The following DENND2B variants were observed in gnomAD, a reference collection of about 807,000 sequenced individuals.
DENND2B encodes DENN domain containing 2B.
In DENND2B, 32 loss-of-function variants were observed where a neutral mutation model predicts 116.0. That is an observed-to-expected ratio of 0.28 (90% CI 0.21 to 0.37). The LOEUF (loss-of-function observed/expected upper bound fraction) is 0.37, where lower values mean the gene tolerates loss of function less well. DENND2B is among the 10% of genes least tolerant of loss of function. The probability of loss-of-function intolerance (pLI) is 1.00; values close to 1 mark genes in which losing one functional copy is unlikely to be tolerated. For missense variants in DENND2B, 1,276 were observed against 1,477.7 expected (o/e 0.86, Z 2.24); for synonymous variants, 588 against 583.9 (o/e 1.01, Z -0.10).
chr11:8,777,200 G>A (rs1317646270), intron 1 of DENND2B, among the ~76,000 whole-genome samples: 2 of 152,182 alleles, frequency 1.3e-5, no homozygotes, highest in African/African-American at 2.4e-5. Context: ...AGTGCCTGGA[G>A]AGAAGCAGCT....
rs942820494 is a variant in DENND2B at position 8,693,843 on chromosome 11, G to A, written c.*253C>T. ...ATCCATGCTCTGGCAGGACAGGAAA[G>A]CACCCGGCCCCTTGGGAATATACAA... On this transcript the variant is annotated 3_prime_UTR_variant, in exon 20 of 20. Coordinates refer to ENST00000313726, the MANE Select transcript of DENND2B (RefSeq NM_213618.2). The A allele has an allele frequency of 5.5e-5, 22 of 400,950 alleles. No homozygotes were observed. Among genetic ancestry groups the A allele is most frequent in the African/African-American group, 4.4e-4 (21 of 48,070 alleles). The allele number at this position is 400,950 out of a possible 1,614,324, so 24.8% of individuals were successfully genotyped here.
chr11:8,760,530 A>T (rs1242468652), intron 1 of DENND2B, among the ~76,000 whole-genome samples: 1 of 152,108 alleles, frequency 6.6e-6, no homozygotes, highest in Non-Finnish European at 1.5e-5. Context: ...AGGTGGGAGG[A>T]TCACTTGAGC....
At chr11:8,829,064 G>A (rs1301799594) in intron 4 of DENND2B, among the ~76,000 whole-genome samples, 2 of 149,586 alleles carry the variant, frequency 1.3e-5, no homozygotes, top group Admixed American at 6.7e-5. Context: ...GGTGTGTGTG[G>A]TGTGGTGTGT....
chr11:8,758,922 C>T (rs746289910), intron 1 of DENND2B, among the ~76,000 whole-genome samples: 1 of 152,222 alleles, frequency 6.6e-6, no homozygotes, highest in Non-Finnish European at 1.5e-5. Context: ...GACGGCTGGG[C>T]AGGAGCAGTG....
intron 3 of DENND2B, among the ~76,000 whole-genome samples, chr11:8,846,942 C>T (rs911591260): frequency 3.9e-5 from 6 of 152,300 alleles, no homozygotes; most frequent in Non-Finnish European, 7.3e-5. Flanking sequence ...CTTTACTGTG[C>T]GGGACACCTA....
At chr11:8,725,156 C>G (rs1355487846) in intron 4 of DENND2B, among the ~76,000 whole-genome samples, 1 of 152,150 alleles carries the variant, frequency 6.6e-6, no homozygotes, top group African/African-American at 2.4e-5. Flanking sequence ...CCCCAAAATT[C>G]CTATGTGGAA....
chr11:8,704,798 A>G (rs2042313855), intron 13 of DENND2B, among the ~76,000 whole-genome samples: 1 of 152,158 alleles, frequency 6.6e-6, no homozygotes, highest in Non-Finnish European at 1.5e-5. Context: ...CCCGAGTTCA[A>G]GAGATTCTCC....
At chr11:8,864,548 G>C (rs1284045229) in intron 2 of DENND2B, among the ~76,000 whole-genome samples, 1 of 152,210 alleles carries the variant, frequency 6.6e-6, no homozygotes, top group Non-Finnish European at 1.5e-5. Context: ...GGGATTACAG[G>C]TGTTAGCCAC....
At chr11:8,741,267 C>T (rs1158184733) in intron 2 of DENND2B, among the ~76,000 whole-genome samples, 1 of 152,208 alleles carries the variant, frequency 6.6e-6, no homozygotes, top group Non-Finnish European at 1.5e-5. Flanking sequence ...ATGGAAGCCA[C>T]ACCTGTCTGC....
At chr11:8,880,345 C>CTGTGTGTGTGCG (rs1555220960) in intron 2 of DENND2B, among the ~76,000 whole-genome samples, 1 of 120,552 alleles carries the variant, frequency 8.3e-6, no homozygotes, top group Non-Finnish European at 1.9e-5. Context: ...TCACTTTGAA[C>CTGTGTGTGTGCG]TGTGTGTGTG....
intron 2 of DENND2B, among the ~76,000 whole-genome samples, chr11:8,745,227 G>A (rs2051022872): frequency 6.6e-6 from 1 of 151,920 alleles, no homozygotes; most frequent in African/African-American, 2.4e-5. Context: ...GCTAATTTTT[G>A]TACTTTTTGT....
intron 4 of DENND2B, chr11:8,719,095 C>T (rs1450212353): frequency 2.0e-6 from 2 of 985,392 alleles, no homozygotes; most frequent in African/African-American, 3.5e-5. Context: ...CTGAATGTGC[C>T]TTACGCCCCA....
chr11:8,815,769 C>T (rs1283483284), intron 4 of DENND2B, among the ~76,000 whole-genome samples: 1 of 152,196 alleles, frequency 6.6e-6, no homozygotes, highest in African/African-American at 2.4e-5. Context: ...CCCCCACAGA[C>T]CTGAGCTCCT....
chr11:8,806,639 C>CACACACACACACACA (rs1565991413), intron 1 of DENND2B, among the ~76,000 whole-genome samples: 25 of 147,762 alleles, frequency 1.7e-4, no homozygotes, highest in Non-Finnish European at 3.0e-4. Flanking sequence ...CACACACACA[C>CACACACACACACACA]CCAGGAGAGC....
chr11:8,793,396 AT>A (rs1205865671), intron 1 of DENND2B, among the ~76,000 whole-genome samples: 2 of 152,094 alleles, frequency 1.3e-5, no homozygotes, highest in Non-Finnish European at 2.9e-5. Flanking sequence ...GTCTCTATGA[AT>A]TTGCCTTTTC....
At chr11:8,772,755 C>T (rs1406785206) in intron 1 of DENND2B, among the ~76,000 whole-genome samples, 2 of 152,156 alleles carry the variant, frequency 1.3e-5, no homozygotes, top group African/African-American at 2.4e-5. Flanking sequence ...CAACCTTACA[C>T]ACTGAAGCCT....
intron 1 of DENND2B, chr11:8,776,235 G>GC (rs2057712170): frequency 4.4e-6 from 2 of 455,664 alleles, no homozygotes; most frequent in Non-Finnish European, 8.8e-6. Flanking sequence ...ATGTCCACGT[G>GC]TCCATTTCTG....
intron 3 of DENND2B, among the ~76,000 whole-genome samples, chr11:8,856,737 C>T (rs1236305817): frequency 6.6e-6 from 1 of 151,176 alleles, no homozygotes; most frequent in African/African-American, 2.4e-5. Context: ...TCTCTCCTCA[C>T]TCTATCACTA....
At chr11:8,849,200 AG>A (rs1463695173) in intron 3 of DENND2B, among the ~76,000 whole-genome samples, 1 of 152,152 alleles carries the variant, frequency 6.6e-6, no homozygotes, top group Non-Finnish European at 1.5e-5. Context: ...AAAGGTGAAG[AG>A]AATACTACAG....
Sources: allele counts gnomAD v4.1 joint callset (sites outside exome capture counted in the v4.1 genomes callset), GRCh38; gene constraint gnomAD v4.1.1; transcripts MANE v1.5; gene names NCBI Gene and HGNC (gene_info 2026-07-23, HGNC 2026-07-21).